Variants in SDCBP observed in about 807,000 individuals in gnomAD.
The protein encoded by SDCBP is syntenin-1.
Under a neutral mutation model 30.5 loss-of-function variants are expected in SDCBP, and 22 were observed. The ratio of observed to expected loss-of-function variants is 0.72; its 90% CI spans 0.52 to 1.03. The LOEUF (loss-of-function observed/expected upper bound fraction) is 1.03. Among genes scored for constraint, SDCBP ranks in the 50% least tolerant of loss-of-function variants. The pLI is 0.00. For synonymous variants in SDCBP, 103 were observed against 118.7 expected, an observed-to-expected ratio of 0.87 and a Z score of 0.86; for missense variants, 304 against 369.9, an observed-to-expected ratio of 0.82 and a Z score of 1.46.
intron 3 of SDCBP, 31 bp downstream of exon 3, chr8:58,570,996 G>A (rs1317549290): frequency 6.8e-7 from 1 of 1,478,436 alleles, no homozygotes; most frequent in Admixed American, 1.7e-5. Flanking sequence ...CATTCTCTGT[G>A]AACAGAAATA....
In SDCBP at chr8:58,581,734, G is replaced by C; in HGVS notation, c.891G>C (p.Glu297Asp). 1 of 1,611,942 alleles carries C rather than the reference G, an allele frequency of 6.2e-7. No individual in the cohort carries two copies. Among genetic ancestry groups the C allele is most frequent in the East Asian group, 2.2e-5 (1 of 44,866 alleles). Reference sequence around the variant, plus strand: ...GCCTAATGGACCACACCATTCCTGAGGTTTAAAATTCACGGCACCATGGAA... The same window carrying C: ...GCCTAATGGACCACACCATTCCTGACGTTTAAAATTCACGGCACCATGGAA... ...MKSLMDHTIP[E>D]V is the part of the protein sequence containing the mutation. Residue 297 changes from glutamate to aspartate, a missense_variant, in exon 9 of 9, where the codon GAG becomes GAC. Coordinates refer to ENST00000260130, the MANE Select transcript of SDCBP (RefSeq NM_005625.4).
At chr8:58,561,206 AAG>A (rs1194305175) in intron 1 of SDCBP, 2 of 152,194 alleles carry the variant, frequency 1.3e-5, no homozygotes, top group Non-Finnish European at 2.9e-5. Flanking sequence ...AAAATAAAAA[AAG>A]AATGAAGACA....
intron 2 of SDCBP, among the ~76,000 whole-genome samples, chr8:58,569,176 G>A (rs905047251): frequency 4.0e-5 from 6 of 150,976 alleles, no homozygotes; most frequent in Non-Finnish European, 8.8e-5. Context: ...CCGGGTAGCT[G>A]GAATTAACAG....
intron 4 of SDCBP, among the ~76,000 whole-genome samples, chr8:58,574,919 GTAT>G (rs1284832953): frequency 6.6e-6 from 1 of 152,136 alleles, no homozygotes; most frequent in Non-Finnish European, 1.5e-5. Flanking sequence ...ATACCGTACA[GTAT>G]TATTAATTAT....
chr8:58,561,378 A>G (rs1296124185), intron 1 of SDCBP: 2 of 156,778 alleles, frequency 1.3e-5, no homozygotes, highest in East Asian at 3.7e-4. Flanking sequence ...TCAAGAAGCC[A>G]AATGGACTCC....
chr8:58,574,210 T>TATGATACTAATTACCCTTC (rs1435314653), intron 4 of SDCBP, among the ~76,000 whole-genome samples: 1 of 152,204 alleles, frequency 6.6e-6, no homozygotes, highest in East Asian at 1.9e-4. Context: ...TTGATTACTA[T>TATGATACTAATTACCCTTC]ATGATACTAA....
At chr8:58,556,755 G>T (rs568996792) in intron 1 of SDCBP, among the ~76,000 whole-genome samples, 1 of 150,602 alleles carries the variant, frequency 6.6e-6, no homozygotes, top group East Asian at 1.9e-4. Flanking sequence ...CTTCAAGGAG[G>T]TTACTCTTAT....
chr8:58,571,103 A>G (rs1804993331), intron 3 of SDCBP, 138 bp downstream of exon 3: 2 of 562,706 alleles, frequency 3.6e-6, no homozygotes, highest in African/African-American at 3.8e-5. Flanking sequence ...TGAATAAGAA[A>G]AAAAAGTTTA....
chr8:58,576,759 C>G (rs1805355299), intron 5 of SDCBP, among the ~76,000 whole-genome samples: 2 of 152,224 alleles, frequency 1.3e-5, no homozygotes, highest in South Asian at 4.2e-4. Flanking sequence ...GAGTCTTTAC[C>G]CCAATTTATA....
intron 1 of SDCBP, among the ~76,000 whole-genome samples, chr8:58,564,019 C>T (rs914990544): frequency 6.6e-6 from 1 of 152,154 alleles, no homozygotes; most frequent in African/African-American, 2.4e-5. Context: ...GAAACTACTC[C>T]TGGCAGGAGT....
chr8:58,571,812 G>A (rs911029020), intron 3 of SDCBP, among the ~76,000 whole-genome samples: 4 of 152,138 alleles, frequency 2.6e-5, no homozygotes, highest in Non-Finnish European at 4.4e-5. Flanking sequence ...TTATAAAGTA[G>A]CTGACTTGAC....
Position 58,580,546 on chromosome 8 carries a change from A to T in SDCBP, c.780A>T (p.Thr260=). ...CTCAAATTGCAGACATACTGTCAAC[A>T]TCTGGGACTGTAGTTACTATTACAA... ...KDSQIADILS[T]SGTVVTITIM... The change falls in exon 8 of 9, where the codon ACA becomes ACT. Residue 260 remains threonine, a synonymous_variant. Transcript: ENST00000260130. 1 of 1,593,318 alleles carries T rather than the reference A, an allele frequency of 6.3e-7. No individual in the cohort carries two copies. Among genetic ancestry groups the T allele is most frequent in the Non-Finnish European group, 8.6e-7 (1 of 1,161,654 alleles).
chr8:58,569,665 G>A (rs1169012186), intron 2 of SDCBP, among the ~76,000 whole-genome samples: 7 of 150,712 alleles, frequency 4.6e-5, no homozygotes, highest in Non-Finnish European at 1.0e-4. Context: ...TCCCAGTGCC[G>A]CACAGTATTT....
At chr8:58,574,929 T>A (rs1245506098) in intron 4 of SDCBP, among the ~76,000 whole-genome samples, 1 of 152,182 alleles carries the variant, frequency 6.6e-6, no homozygotes, top group Non-Finnish European at 1.5e-5. Flanking sequence ...GTATTATTAA[T>A]TATAGTTACT....
intron 1 of SDCBP, among the ~76,000 whole-genome samples, chr8:58,563,244 T>C (rs1804530705): frequency 6.6e-6 from 1 of 152,188 alleles, no homozygotes; most frequent in African/African-American, 2.4e-5. Context: ...GGAATATTAT[T>C]CTGCTATGAA....
chr8:58,565,040 C>T lies in SDCBP; in HGVS notation c.7C>T (p.Leu3Phe), dbSNP rs2129607648. 1 of 1,587,284 alleles carries T rather than the reference C, an allele frequency of 6.3e-7. No homozygotes were observed. Among genetic ancestry groups the T allele is most frequent in the East Asian group, 2.3e-5 (1 of 43,842 alleles). ...TTAGAAGAATCCTGCAAAAATGTCT[C>T]TCTATCCATCTCTCGAAGACTTGAA... The part of the protein sequence containing the change: MS[L>F]YPSLEDLKVD... The change falls in exon 2 of 9, where the codon CTC becomes TTC. Residue 3 changes from leucine (L) to phenylalanine (F), a missense_variant. Physicochemically the swap from Leu to Phe is conservative, Grantham distance 22. Transcript: ENST00000260130.
At chr8:58,560,062 C>G (rs1336953347) in intron 1 of SDCBP, among the ~76,000 whole-genome samples, 1 of 150,788 alleles carries the variant, frequency 6.6e-6, no homozygotes, top group South Asian at 2.1e-4. Flanking sequence ...GTTGCGGGGT[C>G]ATTGAAAACA....
intron 3 of SDCBP, among the ~76,000 whole-genome samples, chr8:58,571,345 T>C (rs1805010581): frequency 6.6e-6 from 1 of 152,152 alleles, no homozygotes; most frequent in Admixed American, 6.5e-5. Context: ...GTCTTTCCTA[T>C]GGGAGCTTCT....
At chr8:58,579,967 A>G in intron 7 of SDCBP, 173 bp downstream of exon 7, 1 of 509,406 alleles carries the variant, frequency 2.0e-6, no homozygotes, top group Non-Finnish European at 3.4e-6. Context: ...ATCTAGAACT[A>G]CAGTTCCTAT....
Sources: allele counts gnomAD v4.1 joint callset (sites outside exome capture counted in the v4.1 genomes callset), GRCh38; gene constraint gnomAD v4.1.1; transcripts MANE v1.5; gene names NCBI Gene and HGNC (gene_info 2026-07-23, HGNC 2026-07-21).